CNTN3: variants seen among roughly 807,000 people sequenced by gnomAD.
CNTN3 encodes contactin-3.
CNTN3 carries 60 observed loss-of-function variants against 119.1 expected under a neutral mutation model. That is an observed-to-expected ratio of 0.50 (90% confidence interval 0.41 to 0.62). The LOEUF is 0.62. CNTN3 is among the 20% of genes least tolerant of loss of function. CNTN3 has a pLI of 0.00. For missense variants in CNTN3, 1,101 were observed against 1,242.4 expected (o/e 0.89, Z 1.71); for synonymous variants, 450 against 438.7 (o/e 1.03, Z -0.32).
chr3:74,365,892 T>C (rs1253469379), intron 8 of CNTN3, among the ~76,000 whole-genome samples, 190 bp from the exon 9 acceptor site: 2 of 152,168 alleles, frequency 1.3e-5, no homozygotes, highest in African/African-American at 2.4e-5. Context: ...ATGAAACGTT[T>C]CTACATTTGA....
chr3:74,494,286 T>C (rs1036000001), intron 3 of CNTN3, among the ~76,000 whole-genome samples: 4 of 152,018 alleles, frequency 2.6e-5, no homozygotes, highest in Non-Finnish European at 5.9e-5. Flanking sequence ...CTTGCCCCAC[T>C]GAAAAAACAC....
At chr3:74,606,386 A>G (rs1704993402) in intron 1 of CNTN3, among the ~76,000 whole-genome samples, 3 of 151,608 alleles carry the variant, frequency 2.0e-5, no homozygotes, top group Admixed American at 2.0e-4. Context: ...TTTGGGATTA[A>G]CTCTATCCCC....
At chr3:74,613,448 A>G (rs1404179380) in intron 1 of CNTN3, among the ~76,000 whole-genome samples, 1 of 151,844 alleles carries the variant, frequency 6.6e-6, no homozygotes, top group African/African-American at 2.4e-5. Context: ...CAGACTGGCT[A>G]CCCCTTTCCC....
At position 74,369,219 on chromosome 3, in the gene CNTN3, T is replaced by A. The variant is rs1483969025; in HGVS notation, c.916A>T (p.Asn306Tyr). Residue 306 changes from asparagine (N) to tyrosine (Y), a missense_variant, in exon 8 of 23, where the codon AAT becomes TAT. Coordinates refer to ENST00000263665, the MANE Select transcript of CNTN3 (RefSeq NM_020872.3). ...ECIAENSRGKNVARGRLTYYA... is the reference protein window; with the variant it reads ...ECIAENSRGKYVARGRLTYYA... ...TAAGTGAGACGCCCTCTGGCAACAT[T>A]TTTTCCTCGTGAATTCTCAGCAATG... 1 of 1,605,802 alleles carries A rather than the reference T, an allele frequency of 6.2e-7. No homozygotes were observed. The highest frequency in any genetic ancestry group is 2.3e-5 in the East Asian group (1 of 44,266).
At position 74,285,376 on chromosome 3, in the gene CNTN3, GC is replaced by G; in HGVS notation, c.2632del (p.Ala878LeufsTer19). 1 of 1,613,764 alleles carries G rather than the reference GC, an allele frequency of 6.2e-7. No homozygotes were observed. Among genetic ancestry groups the G allele is most frequent in the Non-Finnish European group, 8.5e-7 (1 of 1,179,834 alleles). On this transcript the variant is annotated frameshift_variant, in exon 20 of 23. Coordinates refer to ENST00000263665, the MANE Select transcript of CNTN3 (RefSeq NM_020872.3). LOFTEE classifies it high-confidence loss of function. ...GCCGGCACTGTTGTAAGCCCGGACA[GC>G]CGTGTAATAGGCCAGGTTGCTCTTC... is the stretch of plus-strand genomic sequence containing the variant. Reference protein sequence around the residue: ...GLKSNLAYYTAVRAYNSAGAG... With the variant: ...GLKSNLAYYTXVRAYNSAGAG...
intron 1 of CNTN3, among the ~76,000 whole-genome samples, chr3:74,547,396 C>A (rs1575821438): frequency 6.6e-6 from 1 of 152,050 alleles, no homozygotes; most frequent in Non-Finnish European, 1.5e-5. Context: ...ACATTGACAC[C>A]TTTATTTATA....
At chr3:74,400,102 T>G (rs1005056150) in intron 5 of CNTN3, among the ~76,000 whole-genome samples, 3 of 152,194 alleles carry the variant, frequency 2.0e-5, no homozygotes, top group Admixed American at 2.0e-4. Flanking sequence ...TGGATAGAGT[T>G]TTATAACTGG....
At position 74,521,045 on chromosome 3, in the gene CNTN3, G is replaced by T. The variant is rs1703534778; in HGVS notation, c.55+13C>A. 1.3e-6 allele frequency: 2 copies of T among 1,556,760 alleles called. No individual in the cohort carries two copies. ...TCTAACCTCAACTTAGAAAATATAG[G>T]ATTTTTTTTTACCTCCTAAGCAGCC... On this transcript the variant is annotated intron_variant, in intron 2 of 22. Transcript: ENST00000263665.
At chr3:74,457,340 G>A (rs1173723445) in intron 4 of CNTN3, among the ~76,000 whole-genome samples, 1 of 151,826 alleles carries the variant, frequency 6.6e-6, no homozygotes, top group Non-Finnish European at 1.5e-5. Context: ...GTATGCATAG[G>A]GGTTAACAGC....
Position 74,569,619 on chromosome 3 carries a change from T to C in CNTN3, c.-81+44772A>G, listed in dbSNP as rs371726384. Among the ~76,000 whole-genome samples the C allele has an allele frequency of 5.9e-5, 9 of 152,280 alleles. 1 individual carries two copies. The East Asian group carries it at 1.7e-3, about 29-fold the overall frequency. On this transcript the variant is annotated intron_variant, in intron 1 of 22. Transcript: ENST00000263665. ...AGATCTTGATAAGGACCACCATCAT[T>C]GCAGATTTTTCTTAAGCTTTGTGTA...
intron 2 of CNTN3, among the ~76,000 whole-genome samples, chr3:74,501,865 T>C (rs1266533309): frequency 6.6e-6 from 1 of 152,074 alleles, no homozygotes; most frequent in Admixed American, 6.6e-5. Context: ...AAATTGCTAC[T>C]AACACTCCTA....
rs147880003 is a variant in CNTN3 at position 74,447,601 on chromosome 3, G to C, written c.359-22661C>G. On this transcript the variant is annotated intron_variant, in intron 4 of 22. Coordinates refer to ENST00000263665, the MANE Select transcript of CNTN3 (RefSeq NM_020872.3). Reference sequence around the variant, plus strand: ...TAAGATGCTCTCCAAAACATGTCAAGTTGAATTTAGTTAACAGGTCTGAGA... The same window carrying C: ...TAAGATGCTCTCCAAAACATGTCAACTTGAATTTAGTTAACAGGTCTGAGA... Among the ~76,000 whole-genome samples, 856 of 152,302 alleles carry C rather than the reference G, an allele frequency of 5.6e-3. 9 individuals carry two copies. Among genetic ancestry groups the C allele is most frequent in the African/African-American group, 0.02 (822 of 41,574 alleles).
chr3:74,294,838 C>T (rs545722602), intron 19 of CNTN3, among the ~76,000 whole-genome samples: 1 of 152,298 alleles, frequency 6.6e-6, no homozygotes, highest in East Asian at 1.9e-4. Context: ...GCAGTTCAAT[C>T]TCACCCTTAT....
chr3:74,536,093 T>C (rs1242887490), intron 1 of CNTN3, among the ~76,000 whole-genome samples: 2 of 152,080 alleles, frequency 1.3e-5, no homozygotes, highest in Non-Finnish European at 2.9e-5. Context: ...CTCTTTCACT[T>C]TTCAGAAAAA....
intron 1 of CNTN3, among the ~76,000 whole-genome samples, chr3:74,599,394 C>G (rs1242408730): frequency 6.6e-6 from 1 of 151,970 alleles, no homozygotes; most frequent in Admixed American, 6.6e-5. Context: ...TAAGAATGAC[C>G]CAGGTCAGCA....
chr3:74,392,849 A>T (rs1345223834), intron 5 of CNTN3, among the ~76,000 whole-genome samples: 1 of 152,086 alleles, frequency 6.6e-6, no homozygotes, highest in Non-Finnish European at 1.5e-5. Flanking sequence ...CATACAGTAG[A>T]GTGCACCATG....
chr3:74,527,552 A>C (rs1559646635), intron 1 of CNTN3, among the ~76,000 whole-genome samples: 1 of 151,944 alleles, frequency 6.6e-6, no homozygotes, highest in Non-Finnish European at 1.5e-5. Flanking sequence ...AAAAATTACA[A>C]AGCTGTTTTT....
intron 1 of CNTN3, among the ~76,000 whole-genome samples, chr3:74,604,600 T>C (rs1355469448): frequency 6.6e-6 from 1 of 152,054 alleles, no homozygotes; most frequent in Non-Finnish European, 1.5e-5. Context: ...CAAATTAAAA[T>C]CATAATGAGC....
intron 1 of CNTN3, among the ~76,000 whole-genome samples, chr3:74,549,795 C>T (rs1048259531): frequency 4.6e-5 from 7 of 152,206 alleles, no homozygotes; most frequent in South Asian, 2.1e-4. Context: ...ACCTGACAGA[C>T]GCTATGGTAT....
Sources: gnomAD v4.1 joint callset for allele counts (sites outside exome capture counted in the v4.1 genomes callset) on GRCh38, gnomAD v4.1.1 for gene constraint, MANE v1.5 for transcripts, NCBI Gene and HGNC (gene_info 2026-07-23, HGNC 2026-07-21) for gene names.